Variants in SCAMP5 observed in about 807,000 individuals in gnomAD.
The protein encoded by SCAMP5 is secretory carrier membrane protein 5.
SCAMP5 carries 7 observed loss-of-function variants against 28.3 expected under a neutral mutation model. The ratio of observed to expected loss-of-function variants is 0.25; its 90% confidence interval spans 0.14 to 0.46. The LOEUF (loss-of-function observed/expected upper bound fraction) is 0.46. Among genes scored for constraint, SCAMP5 ranks in the 20% least tolerant of loss-of-function variants. The pLI is 0.99. For synonymous variants in SCAMP5, 117 were observed against 116.4 expected (o/e 1.00, Z -0.03); for missense variants, 192 against 312.5 (o/e 0.61, Z 2.91).
intron 2 of SCAMP5, 105 bp downstream of exon 2, chr15:75,011,951 C>A: frequency 1.1e-6 from 1 of 896,168 alleles, no homozygotes; most frequent in Non-Finnish European, 1.8e-6. Flanking sequence ...AGGCCAGGTT[C>A]TTTCCATCTT....
chr15:75,008,446 T>C (rs2065781136), intron 1 of SCAMP5, among the ~76,000 whole-genome samples: 1 of 151,882 alleles, frequency 6.6e-6, no homozygotes, highest in African/African-American at 2.4e-5. Flanking sequence ...TTTTTTTTTT[T>C]ACTTAATATA....
chr15:75,012,161 T>C (rs1450871895), intron 2 of SCAMP5, among the ~76,000 whole-genome samples: 1 of 152,216 alleles, frequency 6.6e-6, no homozygotes, highest in Non-Finnish European at 1.5e-5. Flanking sequence ...TGCTTTCTAA[T>C]ACTCTGAGGC....
At chr15:75,005,720 G>A (rs2141433946) in intron 1 of SCAMP5, among the ~76,000 whole-genome samples, 1 of 152,180 alleles carries the variant, frequency 6.6e-6, no homozygotes, top group African/African-American at 2.4e-5. Context: ...GGCACATGAT[G>A]TTCTTTCTTT....
intron 1 of SCAMP5, among the ~76,000 whole-genome samples, chr15:75,009,634 G>T (rs1298098727): frequency 2.6e-5 from 4 of 152,060 alleles, no homozygotes; most frequent in African/African-American, 9.7e-5. Context: ...GCACCATCGT[G>T]CCTGCCTAAT....
intron 3 of SCAMP5, among the ~76,000 whole-genome samples, chr15:75,015,514 A>G (rs565920357): frequency 6.6e-6 from 1 of 151,894 alleles, no homozygotes; most frequent in Admixed American, 6.6e-5. Context: ...GCTGGGATTT[A>G]TATCTGGGGA....
chr15:75,015,918 T>G (rs1321359408), intron 3 of SCAMP5, among the ~76,000 whole-genome samples: 3 of 104,722 alleles, frequency 2.9e-5, no homozygotes, highest in African/African-American at 1.2e-4. Context: ...AGAGTGAAAT[T>G]CCATCTCAAA....
At chr15:74,995,954 A>C (rs2065648211) in intron 1 of SCAMP5, 2 of 152,066 alleles carry the variant, frequency 1.3e-5, no homozygotes, top group African/African-American at 4.8e-5. Flanking sequence ...GTGACGTCAG[A>C]CCCTGGATCT....
chr15:75,005,999 T>G (rs2065754456), intron 1 of SCAMP5, among the ~76,000 whole-genome samples: 1 of 143,138 alleles, frequency 7.0e-6, no homozygotes, highest in Admixed American at 7.1e-5. Context: ...TTTTTTTTTT[T>G]TTTGCTTTGT....
At chr15:75,012,618 G>A (rs1407075802) in intron 2 of SCAMP5, 59 bp from the exon 3 acceptor site, 30 of 1,604,476 alleles carry the variant, frequency 1.9e-5, no homozygotes, top group Admixed American at 3.3e-5. Context: ...AAGGATGGGC[G>A]TCTTGGATTG....
intron 1 of SCAMP5, among the ~76,000 whole-genome samples, chr15:74,998,674 A>AC (rs985036553): frequency 1.9e-5 from 2 of 105,436 alleles, no homozygotes; most frequent in Admixed American, 1.0e-4. Flanking sequence ...CCAACCCCCC[A>AC]CCCCCCATTT....
In SCAMP5 at chr15:75,018,526, C is replaced by T. The variant is rs894287050; in HGVS notation, c.504C>T (p.Ala168=). The T allele has an allele frequency of 1.2e-6, 2 of 1,606,740 alleles. No homozygotes were observed. Among genetic ancestry groups the T allele is most frequent in the Non-Finnish European group, 1.7e-6 (2 of 1,173,328 alleles). ...TGATGGCCGTCTTTTCCTTCATCGC[C>T]CTCAGCATGGTACGTGGTCCCCTCA... is the stretch of plus-strand genomic sequence containing the variant. ...FTVMAVFSFI[A]LSMVHKFYRG... is the part of the protein sequence containing the mutation. The change falls in exon 6 of 7, where the codon GCC becomes GCT. Residue 168 remains alanine, a synonymous_variant. Transcript: ENST00000425597. The surrounding 1 kb of genome is among the most constrained non-coding windows in gnomAD (Gnocchi z 5.6).
In SCAMP5 at chr15:74,995,620, CAG is replaced by C. The variant is rs2065644290; in HGVS notation, c.-101_-100del. On this transcript the variant is annotated 5_prime_UTR_variant, in exon 1 of 7. Transcript: ENST00000425597. ...GGCTCCGCGCCGCATCGCTCGGGTG[CAG>C]CGCAGCTCAGCGCAGCGCTGCGGCC... 6.7e-6 allele frequency: 1 copy of C among 149,268 alleles called. No homozygotes were observed. Among genetic ancestry groups the C allele is most frequent in the Non-Finnish European group, 1.5e-5 (1 of 66,838 alleles). The allele number at this position is 149,268 out of a possible 1,614,324, so 9.2% of individuals were successfully genotyped here.
chr15:75,008,457 T>A (rs1487498809), intron 1 of SCAMP5, among the ~76,000 whole-genome samples: 1 of 151,572 alleles, frequency 6.6e-6, no homozygotes, highest in Non-Finnish European at 1.5e-5. Context: ...ACTTAATATA[T>A]CCTGGAAAGC....
chr15:75,001,129 C>G (rs978880775), intron 1 of SCAMP5, among the ~76,000 whole-genome samples: 3 of 151,640 alleles, frequency 2.0e-5, no homozygotes, highest in Non-Finnish European at 4.4e-5. Flanking sequence ...ACAAAATTAG[C>G]CGGGGGTGGT....
In SCAMP5 at chr15:74,996,434, AC is replaced by A. The variant is rs1332066916; in HGVS notation, c.-49+762del. On this transcript the variant is annotated intron_variant, in intron 1 of 6. Coordinates refer to ENST00000425597, the MANE Select transcript of SCAMP5 (RefSeq NM_138967.4). The surrounding 1 kb of genome is among the most constrained non-coding windows in gnomAD (Gnocchi z 4.1). ...GCATTCACTGTCACAGGCGGCTTAAACAAGTAATGTCCCAGCTTCCCGATGG... is the reference window on the plus strand; with the variant it reads ...GCATTCACTGTCACAGGCGGCTTAAAAAGTAATGTCCCAGCTTCCCGATGG... 1.3e-5 allele frequency: 2 copies of A among 152,396 alleles called. No homozygotes were observed. Among genetic ancestry groups the A allele is most frequent in the African/African-American group, 4.8e-5 (2 of 41,476 alleles). The allele number at this position is 152,396 out of a possible 1,614,324, so 9.4% of individuals were successfully genotyped here. A position where few individuals can be genotyped will look rare whatever the true frequency, so the allele number is the denominator to read the frequency against.
chr15:75,006,444 G>A (rs2141435766), intron 1 of SCAMP5, among the ~76,000 whole-genome samples: 1 of 149,854 alleles, frequency 6.7e-6, no homozygotes, highest in African/African-American at 2.5e-5. Flanking sequence ...CTTGAGGCCA[G>A]GAGTTCAAGA....
Position 75,018,015 on chromosome 15 carries a change from G to A in SCAMP5, c.395+44G>A. The A allele has an allele frequency of 8.0e-7, 1 of 1,252,284 alleles. No homozygotes were observed. The highest frequency in any genetic ancestry group is 1.2e-6 in the Non-Finnish European group (1 of 855,036). The allele number at this position is 1,252,284 out of a possible 1,614,324, so 77.6% of individuals were successfully genotyped here. ...GCCTGGGGCTGGCAGGGGTGGCGTT[G>A]TGGGTGTATCTTTTGCTTACCTTTG... On this transcript the variant is annotated intron_variant, in intron 5 of 6. Coordinates refer to ENST00000425597, the MANE Select transcript of SCAMP5 (RefSeq NM_138967.4). This position sits in a 1 kb window ranked among gnomAD's most constrained non-coding sequence, Gnocchi z 5.6.
At chr15:74,998,025 G>A (rs1352497888) in intron 1 of SCAMP5, among the ~76,000 whole-genome samples, 1 of 152,194 alleles carries the variant, frequency 6.6e-6, no homozygotes, top group African/African-American at 2.4e-5. Flanking sequence ...AGGGAGCCCT[G>A]GAGTTAGCCC....
At position 75,016,872 on chromosome 15, in the gene SCAMP5, C is replaced by T. The variant is rs2065864590; in HGVS notation, c.293+123C>T. Reference sequence around the variant, plus strand: ...CCTCCCCCAAACTCACTTTCCCTTGCTCACCTTTGGCTCAGATTGCTAGGT... The same window carrying T: ...CCTCCCCCAAACTCACTTTCCCTTGTTCACCTTTGGCTCAGATTGCTAGGT... On this transcript the variant is annotated intron_variant, in intron 4 of 6. Coordinates refer to ENST00000425597, the MANE Select transcript of SCAMP5 (RefSeq NM_138967.4). 3 of 946,106 alleles carry T rather than the reference C, an allele frequency of 3.2e-6. No individual in the cohort carries two copies. In the East Asian group the frequency reaches 7.9e-5, roughly 25 times the overall value. 58.6% of individuals were successfully genotyped at this position (946,106 alleles called of 1,614,324 possible). A position where few individuals can be genotyped will look rare whatever the true frequency, so the allele number is the denominator to read the frequency against.
Sources: allele counts gnomAD v4.1 joint callset (sites outside exome capture counted in the v4.1 genomes callset), GRCh38; gene constraint gnomAD v4.1.1; non-coding constraint Gnocchi (gnomAD v3.1); transcripts MANE v1.5; gene names NCBI Gene and HGNC (gene_info 2026-07-23, HGNC 2026-07-21).